The following RCAN2 variants were observed in gnomAD, a reference collection of about 807,000 sequenced individuals.
RCAN2 encodes the protein regulator of calcineurin 2, also known as calcipressin-2.
A neutral mutation model predicts 23.6 loss-of-function variants in RCAN2; 9 were observed. That is an observed-to-expected ratio of 0.38 (90% CI 0.23 to 0.67). RCAN2 has a LOEUF of 0.67. Among genes scored for constraint, RCAN2 ranks in the 30% least tolerant of loss-of-function variants. The pLI is 0.51. For synonymous variants in RCAN2, 109 were observed against 115.7 expected (o/e 0.94, Z 0.37); for missense variants, 273 against 302.3 (o/e 0.90, Z 0.72).
intron 2 of RCAN2, among the ~76,000 whole-genome samples, chr6:46,272,372 G>A (rs1314711173): frequency 6.6e-6 from 1 of 152,124 alleles, no homozygotes; most frequent in Non-Finnish European, 1.5e-5. Flanking sequence ...ACTGAACCTT[G>A]TACATTCTGT....
rs147247650 is a variant in RCAN2, at chr6:46,349,955, T to C, written c.226-101059A>G. Among the ~76,000 whole-genome samples, 52 of 152,312 alleles carry C rather than the reference T, an allele frequency of 3.4e-4. 1 individual carries two copies. The East Asian group carries it at 7.5e-3, about 22-fold the overall frequency. On this transcript the variant is annotated intron_variant, in intron 2 of 4. Coordinates refer to ENST00000371374, the MANE Select transcript of RCAN2 (RefSeq NM_001251974.2). ...ACAATAAGATTCAAAATGTTCACTC[T>C]GGTCTTTAAAAACCTACCTCATCTG...
intron 2 of RCAN2, among the ~76,000 whole-genome samples, chr6:46,415,446 T>G (rs1398429814): frequency 6.6e-6 from 1 of 152,148 alleles, no homozygotes; most frequent in Non-Finnish European, 1.5e-5. Context: ...GGTGTTAAGT[T>G]CAGCTATAGT....
chr6:46,336,553 C>T (rs778405311), intron 2 of RCAN2, among the ~76,000 whole-genome samples: 1 of 152,102 alleles, frequency 6.6e-6, no homozygotes, highest in Non-Finnish European at 1.5e-5. Context: ...GACCAGTGAA[C>T]AGCTTATTTA....
chr6:46,242,160 G>T (rs979332227), intron 4 of RCAN2, among the ~76,000 whole-genome samples: 8 of 152,076 alleles, frequency 5.3e-5, no homozygotes, highest in Non-Finnish European at 1.5e-5. Context: ...CACAGGTTTG[G>T]GTCTGATCAT....
intron 2 of RCAN2, among the ~76,000 whole-genome samples, chr6:46,338,600 G>A (rs1561865266): frequency 6.6e-6 from 1 of 152,122 alleles, no homozygotes; most frequent in Non-Finnish European, 1.5e-5. Context: ...ATCAGCCTCC[G>A]ACTCACTCTG....
intron 4 of RCAN2, among the ~76,000 whole-genome samples, chr6:46,235,839 A>G (rs1370384083): frequency 6.6e-6 from 1 of 152,188 alleles, no homozygotes; most frequent in Non-Finnish European, 1.5e-5. Context: ...TTTCCCCACG[A>G]CAGGAACTAA....
At chr6:46,488,077 C>T (rs1279844995) in intron 1 of RCAN2, among the ~76,000 whole-genome samples, 3 of 152,050 alleles carry the variant, frequency 2.0e-5, no homozygotes, top group East Asian at 1.9e-4. Context: ...GGACTCCTGA[C>T]TCAGTCCAGT....
At chr6:46,374,244 A>G (rs1415186258) in intron 2 of RCAN2, among the ~76,000 whole-genome samples, 1 of 152,166 alleles carries the variant, frequency 6.6e-6, no homozygotes, top group East Asian at 1.9e-4. Context: ...CACATGCAAT[A>G]CCTCCTACCA....
At chr6:46,439,351 A>C (rs1252523847) in intron 2 of RCAN2, among the ~76,000 whole-genome samples, 1 of 152,256 alleles carries the variant, frequency 6.6e-6, no homozygotes, top group East Asian at 1.9e-4. Context: ...ATATCAGTTC[A>C]AAAGCTCCAA....
chr6:46,449,191 A>G (rs1180819509), intron 2 of RCAN2, among the ~76,000 whole-genome samples: 1 of 151,826 alleles, frequency 6.6e-6, no homozygotes, highest in African/African-American at 2.4e-5. Flanking sequence ...ACAAGGAACT[A>G]TCTGAAAAAG....
intron 2 of RCAN2, chr6:46,325,655 G>A: frequency 1.4e-6 from 2 of 1,408,428 alleles, no homozygotes; most frequent in East Asian, 2.6e-5. Flanking sequence ...CGCGTCTGAG[G>A]CAGCACAGCA....
At chr6:46,438,498 A>G (rs1438207369) in intron 2 of RCAN2, 1 of 152,372 alleles carries the variant, frequency 6.6e-6, no homozygotes, top group African/African-American at 2.4e-5. Context: ...GTCTCCAAGG[A>G]CAAGAGTACT....
intron 1 of RCAN2, among the ~76,000 whole-genome samples, chr6:46,490,444 T>C (rs1437467099): frequency 6.6e-6 from 1 of 152,170 alleles, no homozygotes; most frequent in African/African-American, 2.4e-5. Context: ...CCTCGAAGAA[T>C]AAATCATTAA....
chr6:46,483,354 T>C (rs1768915345), intron 1 of RCAN2, among the ~76,000 whole-genome samples: 1 of 152,150 alleles, frequency 6.6e-6, no homozygotes, highest in African/African-American at 2.4e-5. Flanking sequence ...TGCATACACG[T>C]AGGGGCTATG....
At chr6:46,325,337 T>A (rs878876891) in intron 2 of RCAN2, 2 of 1,598,396 alleles carry the variant, frequency 1.3e-6, no homozygotes, top group East Asian at 2.2e-5. Context: ...CTAAAAAGGC[T>A]CTGCCAAGCA....
chr6:46,487,532 A>T (rs1192619490), intron 1 of RCAN2, among the ~76,000 whole-genome samples: 1 of 152,222 alleles, frequency 6.6e-6, no homozygotes, highest in Non-Finnish European at 1.5e-5. Context: ...ACGGACTTGT[A>T]TGTGGTGCCT....
chr6:46,237,220 T>C (rs111366807), intron 4 of RCAN2, among the ~76,000 whole-genome samples: 1 of 152,264 alleles, frequency 6.6e-6, no homozygotes, highest in African/African-American at 2.4e-5. Context: ...CATGTATTCC[T>C]TCTGAACCTT....
At chr6:46,486,742 T>C (rs532495477) in intron 1 of RCAN2, among the ~76,000 whole-genome samples, 3 of 152,306 alleles carry the variant, frequency 2.0e-5, no homozygotes, top group South Asian at 4.1e-4. Context: ...AAGTTGAATA[T>C]AGAAGATCAG....
chr6:46,243,209 T>C (rs1024825665), intron 4 of RCAN2, among the ~76,000 whole-genome samples: 1 of 152,134 alleles, frequency 6.6e-6, no homozygotes, highest in Non-Finnish European at 1.5e-5. Context: ...ACGTCTGATA[T>C]TTTCAACTCA....
Sources: allele counts gnomAD v4.1 joint callset (sites outside exome capture counted in the v4.1 genomes callset), GRCh38; gene constraint gnomAD v4.1.1; transcripts MANE v1.5; gene names NCBI Gene and HGNC (gene_info 2026-07-23, HGNC 2026-07-21).